CCND3: variants seen among roughly 807,000 people sequenced by gnomAD.
CCND3 encodes cyclin D3.
CCND3 carries 9 observed loss-of-function variants against 28.7 expected under a neutral mutation model. The observed-to-expected ratio is 0.31, with a 90% CI of 0.19 to 0.55. CCND3 has a LOEUF of 0.55. Among genes scored for constraint, CCND3 ranks in the 20% least tolerant of loss-of-function variants. The probability of loss-of-function intolerance (pLI) is 0.93; values close to 1 mark genes in which losing one functional copy is unlikely to be tolerated. For synonymous variants in CCND3, 164 were observed against 163.9 expected (o/e 1.00, Z 0.00); for missense variants, 315 against 385.8 (o/e 0.82, Z 1.54).
intron 1 of CCND3, among the ~76,000 whole-genome samples, chr6:41,994,641 T>C (rs1174789764): frequency 6.6e-6 from 1 of 152,088 alleles, no homozygotes; most frequent in African/African-American, 2.4e-5. Flanking sequence ...TCAACGTAGG[T>C]TCATCACCTG....
intron 1 of CCND3, among the ~76,000 whole-genome samples, chr6:41,997,415 G>A (rs573487192): frequency 2.2e-4 from 34 of 152,292 alleles, no homozygotes; most frequent in Non-Finnish European, 4.7e-4. Flanking sequence ...GCAGAGTGAA[G>A]ATGTGAGTAG....
upstream of CCND3, among the ~76,000 whole-genome samples, chr6:42,049,371 G>A (rs1042467259): frequency 6.6e-6 from 1 of 152,200 alleles, no homozygotes; most frequent in African/African-American, 2.4e-5. Context: ...CAGGCACTGT[G>A]ACAGACTCTT....
intron 1 of CCND3, among the ~76,000 whole-genome samples, chr6:41,953,465 A>T (rs774382464): frequency 6.6e-6 from 1 of 152,044 alleles, no homozygotes; most frequent in Non-Finnish European, 1.5e-5. Context: ...TGAGTTAAAA[A>T]GCACTAAGTA....
At chr6:42,045,416 G>A (rs969433180) in intron 1 of CCND3, among the ~76,000 whole-genome samples, 3 of 152,194 alleles carry the variant, frequency 2.0e-5, no homozygotes, top group Non-Finnish European at 4.4e-5. Flanking sequence ...ACTACCTAGA[G>A]TTGTGGTGAA....
intron 1 of CCND3, among the ~76,000 whole-genome samples, chr6:42,037,486 C>T (rs1288401596): frequency 6.9e-4 from 99 of 144,458 alleles, no homozygotes; most frequent in Middle Eastern, 8.8e-3. Context: ...CCGCCCGCCT[C>T]GGCCTCCCAA....
Position 42,014,181 on chromosome 6 carries a change from C to T in CCND3, c.-46+34320G>A, listed in dbSNP as rs1763423995. Among the ~76,000 whole-genome samples the T allele has an allele frequency of 2.0e-5, 3 of 149,668 alleles. No individual in the cohort carries two copies. In the South Asian group the frequency reaches 6.3e-4, roughly 32 times the overall value. ...GAGATCGAGACCATCCTGGCTAACACGGTGAAACCCCGTCTCTACCAAAAA... is the reference window on the plus strand; with the variant it reads ...GAGATCGAGACCATCCTGGCTAACATGGTGAAACCCCGTCTCTACCAAAAA... On this transcript the variant is annotated intron_variant, in intron 1 of 4. Transcript: ENST00000372988.
chr6:41,971,382 C>G (rs1762028383), intron 1 of CCND3, among the ~76,000 whole-genome samples: 1 of 152,142 alleles, frequency 6.6e-6, no homozygotes, highest in Non-Finnish European at 1.5e-5. Context: ...CCTCCCGCCT[C>G]AGCCTCTGAG....
At chr6:42,006,284 T>C (rs371709014) in intron 1 of CCND3, among the ~76,000 whole-genome samples, 1 of 147,790 alleles carries the variant, frequency 6.8e-6, no homozygotes, top group African/African-American at 2.5e-5. Flanking sequence ...TTTAACAACA[T>C]TAAGGTAGAT....
upstream of CCND3, among the ~76,000 whole-genome samples, chr6:41,946,292 G>A (rs984989737): frequency 1.3e-5 from 2 of 151,802 alleles, no homozygotes; most frequent in Admixed American, 1.3e-4. Flanking sequence ...AGTTGTGATT[G>A]CGGGACTTAA....
intron 1 of CCND3, among the ~76,000 whole-genome samples, chr6:42,007,514 G>A (rs1400725115): frequency 6.6e-6 from 1 of 152,150 alleles, no homozygotes; most frequent in Non-Finnish European, 1.5e-5. Context: ...AAATGCAGGG[G>A]GTTAAATGGT....
chr6:42,043,020 T>C (rs577363720), intron 1 of CCND3, among the ~76,000 whole-genome samples: 2 of 152,342 alleles, frequency 1.3e-5, no homozygotes, highest in Admixed American at 1.3e-4. Flanking sequence ...GAGTCAGACT[T>C]CCAGCTCAGC....
Position 41,939,808 on chromosome 6 carries a change from G to C in CCND3, c.414+562C>G, listed in dbSNP as rs560405758. Among the ~76,000 whole-genome samples the C allele has an allele frequency of 3.7e-4, 56 of 152,138 alleles. No homozygotes were observed. Among genetic ancestry groups the C allele is most frequent in the Non-Finnish European group, 7.2e-4 (49 of 68,010 alleles). ...GGATTAGGAAGAAGCTGTTTCTTCC[G>C]GGATATAAGAGGAAGCAAAGAAGGT... On this transcript the variant is annotated intron_variant, in intron 2 of 4. Coordinates refer to ENST00000372991, the MANE Select transcript of CCND3 (RefSeq NM_001760.5). The surrounding 1 kb of genome is among the most constrained non-coding windows in gnomAD (Gnocchi z 4.2).
upstream of CCND3, among the ~76,000 whole-genome samples, chr6:41,943,408 ACT>A (rs901244911): frequency 2.6e-5 from 4 of 151,714 alleles, no homozygotes; most frequent in African/African-American, 9.7e-5. Flanking sequence ...TTAAAAAAAT[ACT>A]GTTAACACTT....
intron 1 of CCND3, among the ~76,000 whole-genome samples, chr6:41,969,858 T>C (rs1361727205): frequency 6.6e-6 from 1 of 152,144 alleles, no homozygotes; most frequent in African/African-American, 2.4e-5. Flanking sequence ...TCTTGTGTGC[T>C]GTGTGGCCTG....
In CCND3 at chr6:41,941,143, C is replaced by A; in HGVS notation, c.198+309G>T. 1 of 1,473,188 alleles carries A rather than the reference C, an allele frequency of 6.8e-7. No homozygotes were observed. The highest frequency in any genetic ancestry group is 9.0e-7 in the Non-Finnish European group (1 of 1,117,170). The allele number at this position is 1,473,188 out of a possible 1,614,324, so 91.3% of individuals were successfully genotyped here. A position where few individuals can be genotyped will look rare whatever the true frequency, so the allele number is the denominator to read the frequency against. ...GCGCTCTCCGGAGAAGGCCGGGAGG[C>A]GGAGGGAAGCGGGAGACGCTGTGAG... is the stretch of plus-strand genomic sequence containing the variant. On this transcript the variant is annotated intron_variant, in intron 1 of 4. Coordinates refer to ENST00000372991, the MANE Select transcript of CCND3 (RefSeq NM_001760.5). This position sits in a 1 kb window ranked among gnomAD's most constrained non-coding sequence, Gnocchi z 6.1.
intron 1 of CCND3, among the ~76,000 whole-genome samples, chr6:41,972,021 C>A (rs1421215163): frequency 6.7e-6 from 1 of 149,390 alleles, no homozygotes; most frequent in African/African-American, 2.4e-5. Context: ...GTCAGGAGAT[C>A]GAGACCATCC....
intron 1 of CCND3, chr6:41,940,823 C>A: frequency 9.8e-7 from 1 of 1,016,302 alleles, no homozygotes. Flanking sequence ...AGCCAAGGAG[C>A]CCTTGCTCAC....
At chr6:42,037,876 C>T (rs563491606) in intron 1 of CCND3, among the ~76,000 whole-genome samples, 58 of 151,700 alleles carry the variant, frequency 3.8e-4, no homozygotes, top group Middle Eastern at 3.4e-3. Context: ...AATAAAAATA[C>T]AAAAATTAGC....
chr6:41,943,685 C>G (rs1256461770), upstream of CCND3, among the ~76,000 whole-genome samples: 1 of 152,168 alleles, frequency 6.6e-6, no homozygotes, highest in Non-Finnish European at 1.5e-5. Context: ...TTTTGATACA[C>G]TTCTAATTGC....
Sources: allele counts gnomAD v4.1 joint callset (sites outside exome capture counted in the v4.1 genomes callset), GRCh38; gene constraint gnomAD v4.1.1; non-coding constraint Gnocchi (gnomAD v3.1); transcripts MANE v1.5; gene names NCBI Gene and HGNC (gene_info 2026-07-23, HGNC 2026-07-21).